The following ERCC2 variants were observed in gnomAD, a reference collection of about 807,000 sequenced individuals.
ERCC2 encodes the protein general transcription and DNA repair factor IIH helicase subunit XPD.
Under a neutral mutation model 99.4 loss-of-function variants are expected in ERCC2, and 90 were observed. The observed-to-expected ratio is 0.91, with a 90% confidence interval of 0.76 to 1.08. ERCC2 has a LOEUF of 1.08. Among genes scored for constraint, ERCC2 ranks in the 50% least tolerant of loss-of-function variants. ERCC2 has a pLI of 0.00. For synonymous variants in ERCC2, 497 were observed against 432.4 expected, an observed-to-expected ratio of 1.15 and a Z score of -1.85; for missense variants, 993 against 1,038.1, an observed-to-expected ratio of 0.96 and a Z score of 0.60.
chr19:45,355,001 GACC>G, intron 16 of ERCC2, 150 bp from the exon 17 acceptor site: 1 of 978,150 alleles, frequency 1.0e-6, no homozygotes, highest in South Asian at 1.4e-5. Context: ...CGTGTCTGAG[GACC>G]CGCCTTGCCA....
chr19:45,351,326 G>C lies in ERCC2; in HGVS notation c.*303C>G, dbSNP rs1314355426. 1.2e-6 allele frequency: 2 copies of C among 1,612,214 alleles called. No homozygotes were observed. Among genetic ancestry groups the C allele is most frequent in the Non-Finnish European group, 1.7e-6 (2 of 1,179,978 alleles). ...CTGGACAAGGCCCCTCGGACCCTCAGCGCCAGCACCCAGGACCTGAGCCCC... is the reference window on the plus strand; with the variant it reads ...CTGGACAAGGCCCCTCGGACCCTCACCGCCAGCACCCAGGACCTGAGCCCC... On this transcript the variant is annotated 3_prime_UTR_variant, in exon 23 of 23. Transcript: ENST00000391945.
rs1305292406 is a variant in ERCC2 at position 45,370,092 on chromosome 19, C to T, written c.105+41G>A. ...TGTCTTAGGCCCAGGCGTGGCAGCCCCACCGGTCGAGTGGGCGGGTCGGGC... is the reference window on the plus strand; with the variant it reads ...TGTCTTAGGCCCAGGCGTGGCAGCCTCACCGGTCGAGTGGGCGGGTCGGGC... On this transcript the variant is annotated intron_variant, in intron 2 of 22. Transcript: ENST00000391945. 4 of 1,605,342 alleles carry T rather than the reference C, an allele frequency of 2.5e-6. No individual in the cohort carries two copies. The South Asian group carries it at 3.3e-5, about 13-fold the overall frequency.
intron 2 of ERCC2, among the ~76,000 whole-genome samples, 153 bp from the exon 3 acceptor site, chr19:45,369,300 T>C (rs995708454): frequency 6.6e-6 from 1 of 152,148 alleles, no homozygotes; most frequent in African/African-American, 2.4e-5. Flanking sequence ...TGAACCTCAC[T>C]TCTGCCTCCT....
rs766596933 is a variant in ERCC2, at chr19:45,370,529, T to C, written c.5+7A>G. The C allele has an allele frequency of 1.0e-5, 13 of 1,289,846 alleles. No individual in the cohort carries two copies. The highest frequency in any genetic ancestry group is 4.9e-5 in the South Asian group (4 of 81,506). 79.9% of individuals were successfully genotyped at this position (1,289,846 alleles called of 1,614,324 possible). A position where few individuals can be genotyped will look rare whatever the true frequency, so the allele number is the denominator to read the frequency against. On this transcript the variant is annotated splice_region_variant and intron_variant, in intron 1 of 22. Coordinates refer to ENST00000391945, the MANE Select transcript of ERCC2 (RefSeq NM_000400.4). ...CTAGCGAGCGCGACCCCCAGCCCCC[T>C]TCTCACTTCATGGCGCCGGCCGGAC...
intron 16 of ERCC2, among the ~76,000 whole-genome samples, 170 bp from the exon 17 acceptor site, chr19:45,355,021 G>A (rs891358809): frequency 6.6e-6 from 1 of 152,146 alleles, no homozygotes; most frequent in Non-Finnish European, 1.5e-5. Context: ...GCCACTTCCT[G>A]AAGTCACACC....
intron 15 of ERCC2, among the ~76,000 whole-genome samples, chr19:45,356,009 T>C (rs539063294): frequency 6.6e-6 from 1 of 152,260 alleles, no homozygotes; most frequent in Admixed American, 6.5e-5. Context: ...AGCAACCCTG[T>C]TATCTGCATT....
chr19:45,368,603 G>T, intron 5 of ERCC2, 27 bp downstream of exon 5: 1 of 1,470,736 alleles, frequency 6.8e-7, no homozygotes, highest in Non-Finnish European at 9.5e-7. Flanking sequence ...TCTGGGCTAA[G>T]GGCAAGGAGA....
rs1568530396 is a variant in ERCC2, at chr19:45,351,732, C to T, written c.2191-11G>A. On this transcript the variant is annotated splice_polypyrimidine_tract_variant and intron_variant, in intron 22 of 22. Transcript: ENST00000391945. ...GCCCAGCTGATCCTCCTGCAGAGAA[C>T]AGAGGAAAGGGAGAGGGGGGCACTG... The T allele has an allele frequency of 3.7e-6, 6 of 1,613,440 alleles. No homozygotes were observed. Among genetic ancestry groups the T allele is most frequent in the East Asian group, 2.2e-5 (1 of 44,878 alleles).
chr19:45,350,401 C>T lies in ERCC2; in HGVS notation c.*1228G>A. 1.2e-6 allele frequency: 2 copies of T among 1,613,964 alleles called. No homozygotes were observed. Among genetic ancestry groups the T allele is most frequent in the Non-Finnish European group, 1.7e-6 (2 of 1,179,962 alleles). On this transcript the variant is annotated 3_prime_UTR_variant, in exon 23 of 23. Transcript: ENST00000391945. ...AGCGGAAGAGCTGTACAAAGAAATC[C>T]TCCACAAGGAGGACCTACCCGCCCC...
chr19:45,355,537 G>A, intron 16 of ERCC2, 128 bp downstream of exon 16: 1 of 886,862 alleles, frequency 1.1e-6, no homozygotes, highest in Non-Finnish European at 1.9e-6. Context: ...TGTACCACGG[G>A]CAAGAAGGAA....
chr19:45,365,790 CAAA>C (rs112452981), intron 5 of ERCC2, among the ~76,000 whole-genome samples: 1 of 148,266 alleles, frequency 6.7e-6, no homozygotes, highest in African/African-American at 2.5e-5. Flanking sequence ...GACTCCCTCT[CAAA>C]AAAAAAAAGA....
Position 45,351,277 on chromosome 19 carries a change from T to C in ERCC2, c.*352A>G. 1.9e-6 allele frequency: 3 copies of C among 1,612,144 alleles called. No individual in the cohort carries two copies. The highest frequency in any genetic ancestry group is 2.5e-6 in the Non-Finnish European group (3 of 1,179,814). On this transcript the variant is annotated 3_prime_UTR_variant, in exon 23 of 23. Transcript: ENST00000391945. ...CTCCCCTCCAACCATCCCCTGTGCC[T>C]GTCTCCAGTTTCCCAGCTGGCACCT...
At chr19:45,370,065 T>A (rs1250959531) in intron 2 of ERCC2, 68 bp downstream of exon 2, 1 of 1,455,806 alleles carries the variant, frequency 6.9e-7, no homozygotes, top group East Asian at 2.3e-5. Context: ...CGTCCTGCAA[T>A]CTGTCTTAGG....
At chr19:45,356,192 C>T (rs1972006122) in intron 15 of ERCC2, among the ~76,000 whole-genome samples, 1 of 152,172 alleles carries the variant, frequency 6.6e-6, no homozygotes, top group Admixed American at 6.5e-5. Flanking sequence ...CCTCGCCATG[C>T]CGGCGGGCAT....
At chr19:45,365,190 A>T (rs1348155250) in intron 5 of ERCC2, 32 bp from the exon 6 acceptor site, 10 of 1,569,192 alleles carry the variant, frequency 6.4e-6, no homozygotes, top group Non-Finnish European at 7.9e-6. Flanking sequence ...GCACCCAGAC[A>T]GGGTGGAAAC....
Position 45,351,119 on chromosome 19 carries a change from G to A in ERCC2, c.*510C>T. Reference sequence around the variant, plus strand: ...GGGCCAGTGGTGGAGTCAGCAGGTGGTGGGTTGGTGTCAGAAGAGACCCAG... The same window carrying A: ...GGGCCAGTGGTGGAGTCAGCAGGTGATGGGTTGGTGTCAGAAGAGACCCAG... On this transcript the variant is annotated 3_prime_UTR_variant, in exon 23 of 23. Transcript: ENST00000391945. The A allele has an allele frequency of 1.2e-6, 2 of 1,606,390 alleles. No individual in the cohort carries two copies. Among genetic ancestry groups the A allele is most frequent in the Non-Finnish European group, 1.7e-6 (2 of 1,176,030 alleles).
At chr19:45,361,480 C>T (rs1358956656) in intron 12 of ERCC2, 44 bp downstream of exon 12, 2 of 1,384,282 alleles carry the variant, frequency 1.4e-6, no homozygotes, top group South Asian at 1.2e-5. Flanking sequence ...ACCCTGATTC[C>T]AGCTGCTAGG....
chr19:45,359,214 T>C (rs1295289389), intron 12 of ERCC2, among the ~76,000 whole-genome samples: 1 of 150,754 alleles, frequency 6.6e-6, no homozygotes, highest in Non-Finnish European at 1.5e-5. Context: ...GGGGAGGTGG[T>C]TGGGGGATGA....
Position 45,361,788 on chromosome 19 carries a change from A to G in ERCC2, c.1119-146T>C, listed in dbSNP as rs111562095. 3 of 703,962 alleles carry G rather than the reference A, an allele frequency of 4.3e-6. No homozygotes were observed. In the South Asian group the frequency reaches 4.5e-5, roughly 10 times the overall value. The allele number at this position is 703,962 out of a possible 1,614,324, so 43.6% of individuals were successfully genotyped here. A position where few individuals can be genotyped will look rare whatever the true frequency, so the allele number is the denominator to read the frequency against. On this transcript the variant is annotated intron_variant, in intron 11 of 22. Coordinates refer to ENST00000391945, the MANE Select transcript of ERCC2 (RefSeq NM_000400.4). ...GGTGGGCACTGGGCCTGTTTTGGAA[A>G]CTTGCACCCCCACGCTGTACACCTG...
Sources: allele counts gnomAD v4.1 joint callset (sites outside exome capture counted in the v4.1 genomes callset), GRCh38; gene constraint gnomAD v4.1.1; transcripts MANE v1.5; gene names NCBI Gene and HGNC (gene_info 2026-07-23, HGNC 2026-07-21).